BCL7C: variants seen among roughly 807,000 people sequenced by gnomAD.
BCL7C encodes BAF chromatin remodeling complex subunit BCL7C, also known as B-cell CLL/lymphoma 7 protein family member C.
BCL7C carries 8 observed loss-of-function variants against 26.2 expected under a neutral mutation model. The observed-to-expected ratio is 0.30, with a 90% confidence interval of 0.18 to 0.55. The LOEUF (loss-of-function observed/expected upper bound fraction) is 0.55. BCL7C is among the 20% of genes least tolerant of loss of function. The probability of loss-of-function intolerance (pLI) is 0.93; values close to 1 mark genes in which losing one functional copy is unlikely to be tolerated. For missense variants in BCL7C, 262 were observed against 298.5 expected, an observed-to-expected ratio of 0.88 and a Z score of 0.90; for synonymous variants, 90 against 116.5, an observed-to-expected ratio of 0.77 and a Z score of 1.47.
chr16:30,860,085 ACCCTTCAATCTC>A (rs2054757344), intron 5 of BCL7C, among the ~76,000 whole-genome samples: 1 of 151,242 alleles, frequency 6.6e-6, no homozygotes, highest in Non-Finnish European at 1.5e-5. Context: ...CTCTCTCGCT[ACCCTTCAATCTC>A]CCTGTCCTTC....
chr16:30,865,392 G>T (rs1259979199), intron 5 of BCL7C, among the ~76,000 whole-genome samples: 1 of 151,704 alleles, frequency 6.6e-6, no homozygotes, highest in Admixed American at 6.6e-5. Context: ...CCGGAAGCGT[G>T]TGACAGTCTC....
chr16:30,861,661 C>T (rs1203910033), intron 5 of BCL7C, among the ~76,000 whole-genome samples: 1 of 152,144 alleles, frequency 6.6e-6, no homozygotes, highest in East Asian at 1.9e-4. Context: ...TCGGAAGCCT[C>T]CTGGACCATC....
rs1022629924 is a variant in BCL7C, at chr16:30,877,261, G to A, written c.528+11599C>T. On this transcript the variant is annotated intron_variant, in intron 5 of 5. Transcript: ENST00000380317. ...AGAATATCTGCTTTCAAGGGTAGCT[G>A]GAGTCCAGATTTCTTTTTTTATTTT... 3.9e-5 allele frequency among the ~76,000 whole-genome samples: 6 copies of A among 152,012 alleles called. No homozygotes were observed. In the East Asian group the frequency reaches 5.8e-4, roughly 15 times the overall value.
chr16:30,883,691 A>G (rs2055079598), downstream of BCL7C, among the ~76,000 whole-genome samples: 1 of 146,974 alleles, frequency 6.8e-6, no homozygotes, highest in African/African-American at 2.5e-5. Context: ...TAATTTTTGT[A>G]TTTTTAGTAG....
At chr16:30,883,003 G>A (rs1351995919), downstream of BCL7C, among the ~76,000 whole-genome samples, 1 of 152,196 alleles carries the variant, frequency 6.6e-6, no homozygotes, top group East Asian at 1.9e-4. Flanking sequence ...GAGATGTGAT[G>A]CAGCCATTTG....
chr16:30,866,380 C>G (rs2054828525), intron 5 of BCL7C, among the ~76,000 whole-genome samples: 1 of 151,848 alleles, frequency 6.6e-6, no homozygotes, highest in African/African-American at 2.4e-5. Context: ...AGTTTGAGAC[C>G]AGCCTGGCGA....
chr16:30,884,462 T>C (rs1422170005), downstream of BCL7C, among the ~76,000 whole-genome samples: 1 of 151,560 alleles, frequency 6.6e-6, no homozygotes, highest in East Asian at 1.9e-4. Flanking sequence ...CTCATCAGGC[T>C]GATGTCACTA....
At chr16:30,863,242 G>C (rs190311584) in intron 5 of BCL7C, among the ~76,000 whole-genome samples, 2 of 152,270 alleles carry the variant, frequency 1.3e-5, no homozygotes, top group East Asian at 3.9e-4. Context: ...CTATGCTACA[G>C]TATCTTCCAC....
chr16:30,869,428 C>T (rs1329700575), intron 5 of BCL7C, among the ~76,000 whole-genome samples: 2 of 151,534 alleles, frequency 1.3e-5, no homozygotes, highest in Non-Finnish European at 2.9e-5. Context: ...TGGCCTCGAA[C>T]TCCTAAGCTC....
intron 5 of BCL7C, among the ~76,000 whole-genome samples, chr16:30,847,876 G>A (rs2054645681): frequency 6.6e-6 from 1 of 152,014 alleles, no homozygotes; most frequent in Non-Finnish European, 1.5e-5. Flanking sequence ...AGGAGAAAAT[G>A]ACCCAGCTTA....
At position 30,834,650 on chromosome 16, in the gene BCL7C, T is replaced by G; in HGVS notation, c.*298A>C. On this transcript the variant is annotated 3_prime_UTR_variant, in exon 6 of 6. Transcript: ENST00000380317. The surrounding 1 kb of genome is among the most constrained non-coding windows in gnomAD (Gnocchi z 4.3). ...CTGGGAGGGTGGCCGCATGGGTGCG[T>G]GAGGAGGTGGGCGAGGCAGCCCAGT... 4.1e-6 allele frequency: 1 copy of G among 246,078 alleles called. No homozygotes were observed. The highest frequency in any genetic ancestry group is 7.8e-6 in the Non-Finnish European group (1 of 127,748). The allele number at this position is 246,078 out of a possible 1,614,324, so 15.2% of individuals were successfully genotyped here.
chr16:30,886,824 T>C (rs1567322857), downstream of BCL7C, among the ~76,000 whole-genome samples: 2 of 152,118 alleles, frequency 1.3e-5, no homozygotes, highest in African/African-American at 2.4e-5. Context: ...GGGCAGGGAA[T>C]GGGTTGGTCA....
intron 5 of BCL7C, among the ~76,000 whole-genome samples, chr16:30,877,308 C>G (rs2054964880): frequency 6.6e-6 from 1 of 152,164 alleles, no homozygotes; most frequent in Admixed American, 6.5e-5. Flanking sequence ...GGATCTTGCT[C>G]TGTCGCGCAG....
At chr16:30,851,166 G>T in intron 5 of BCL7C, 1 of 273,794 alleles carries the variant, frequency 3.7e-6, no homozygotes, top group South Asian at 3.8e-5. Flanking sequence ...TGGGATGCTT[G>T]AAGAAGTGGT....
chr16:30,858,376 C>T (rs2054742088), intron 5 of BCL7C, among the ~76,000 whole-genome samples: 1 of 152,166 alleles, frequency 6.6e-6, no homozygotes, highest in Non-Finnish European at 1.5e-5. Context: ...TGGCCACTCA[C>T]CAGGGTGTCT....
chr16:30,887,657 A>AGGGGGTGGG, downstream of BCL7C: 1 of 759,844 alleles, frequency 1.3e-6, no homozygotes, highest in Non-Finnish European at 2.0e-6. Context: ...TCAAGCCCCC[A>AGGGGGTGGG]CCCCACTCTG....
Position 30,893,802 on chromosome 16 carries a change from G to C in BCL7C, c.92+51C>G. 2 of 1,540,996 alleles carry C rather than the reference G, an allele frequency of 1.3e-6. No individual in the cohort carries two copies. The highest frequency in any genetic ancestry group is 1.8e-6 in the Non-Finnish European group (2 of 1,128,594). ...TGGCGAGGGCAGCGTAGACGCCTTTGGTGCTGGTGGTCCCGCTGTGTCCCG... is the reference window on the plus strand; with the variant it reads ...TGGCGAGGGCAGCGTAGACGCCTTTCGTGCTGGTGGTCCCGCTGTGTCCCG... On this transcript the variant is annotated intron_variant, in intron 1 of 5. Coordinates refer to ENST00000215115, the MANE Select transcript of BCL7C (RefSeq NM_004765.4). This position sits in a 1 kb window ranked among gnomAD's most constrained non-coding sequence, Gnocchi z 5.2.
chr16:30,856,216 C>G (rs973576122), intron 5 of BCL7C, among the ~76,000 whole-genome samples: 1 of 151,154 alleles, frequency 6.6e-6, no homozygotes, highest in Non-Finnish European at 1.5e-5. Flanking sequence ...CTGAGGCGGG[C>G]GGATCACGAG....
intron 5 of BCL7C, among the ~76,000 whole-genome samples, chr16:30,878,252 C>G (rs376587974): frequency 6.6e-6 from 1 of 151,786 alleles, no homozygotes; most frequent in East Asian, 1.9e-4. Context: ...GGGGTGGGGC[C>G]GGGTGTGGTG....
Sources: allele counts gnomAD v4.1 joint callset (sites outside exome capture counted in the v4.1 genomes callset), GRCh38; gene constraint gnomAD v4.1.1; non-coding constraint Gnocchi (gnomAD v3.1); transcripts MANE v1.5; gene names NCBI Gene and HGNC (gene_info 2026-07-23, HGNC 2026-07-21).